OXNAD1: variants seen among roughly 807,000 people sequenced by gnomAD.
The protein encoded by OXNAD1 is oxidoreductase NAD-binding domain-containing protein 1.
Under a neutral mutation model 32.9 loss-of-function variants are expected in OXNAD1, and 34 were observed. That is an observed-to-expected ratio of 1.03 (90% confidence interval 0.79 to 1.38). The LOEUF (loss-of-function observed/expected upper bound fraction) is 1.38, where lower values mean the gene tolerates loss of function less well. OXNAD1 is among the 40% of genes most tolerant of loss of function. The pLI is 0.00. For missense variants in OXNAD1, 407 were observed against 379.4 expected (o/e 1.07, Z -0.60); for synonymous variants, 134 against 135.2 (o/e 0.99, Z 0.06).
chr3:16,350,095 A>T (rs538767788), exon 10 of OXNAD1: 1 of 152,362 alleles, frequency 6.6e-6, no homozygotes, highest in South Asian at 2.1e-4. Context: ...GTAAGTGAGT[A>T]CTATAGCCCA....
intron 9 of OXNAD1, among the ~76,000 whole-genome samples, chr3:16,332,559 G>GC (rs1559824142): frequency 6.6e-6 from 1 of 151,932 alleles, no homozygotes; most frequent in Non-Finnish European, 1.5e-5. Flanking sequence ...ATCTTACCAC[G>GC]CCACGTTAGG....
chr3:16,318,335 C>T (rs1394882006), intron 9 of OXNAD1, among the ~76,000 whole-genome samples: 3 of 152,108 alleles, frequency 2.0e-5, no homozygotes, highest in Non-Finnish European at 4.4e-5. Flanking sequence ...AAATCTTAGA[C>T]ATTATATAAT....
chr3:16,270,912 A>G (rs918052713), intron 2 of OXNAD1, 33 bp from the exon 3 acceptor site: 16 of 1,613,164 alleles, frequency 9.9e-6, no homozygotes, highest in Non-Finnish European at 1.3e-5. Context: ...TTTTAAAAAA[A>G]CAATTTGAAA....
intron 9 of OXNAD1, among the ~76,000 whole-genome samples, chr3:16,330,410 T>G (rs1024579256): frequency 6.6e-6 from 1 of 152,202 alleles, no homozygotes; most frequent in African/African-American, 2.4e-5. Flanking sequence ...GAAAGACACT[T>G]TTAAGTCCAT....
intron 1 of OXNAD1, among the ~76,000 whole-genome samples, chr3:16,267,742 C>A (rs1411776862): frequency 1.3e-5 from 2 of 152,170 alleles, no homozygotes; most frequent in Non-Finnish European, 2.9e-5. Context: ...GTCTCTGGAA[C>A]TGTAATAAAA....
chr3:16,325,202 A>G lies in OXNAD1; in HGVS notation c.*31-11910A>G, dbSNP rs116816337. 4.6e-3 allele frequency among the ~76,000 whole-genome samples: 702 copies of G among 152,304 alleles called. 3 individuals carry two copies. Among genetic ancestry groups the G allele is most frequent in the African/African-American group, 0.016 (655 of 41,570 alleles). ...AATGGCTCATTTAAGCTTCACCTCA[A>G]TGCTCCACGGAATCCAACTACCACT... is the stretch of plus-strand genomic sequence containing the variant. On this transcript the variant is annotated intron_variant, in intron 9 of 9. Coordinates refer to the OXNAD1 transcript ENST00000435829.
Position 16,321,265 on chromosome 3 carries a change from T to C in OXNAD1, c.*31-15847T>C, listed in dbSNP as rs997937431. ...GCTGAAAATGCAGGCGGAATGGTCA[T>C]TGGCACAGAGGTGGTGAAGGAGATT... On this transcript the variant is annotated intron_variant, in intron 9 of 9. Coordinates refer to the OXNAD1 transcript ENST00000435829. The surrounding 1 kb of genome is among the most constrained non-coding windows in gnomAD (Gnocchi z 4.8). Among the ~76,000 whole-genome samples, 3 of 152,002 alleles carry C rather than the reference T, an allele frequency of 2.0e-5. No individual in the cohort carries two copies. The highest frequency in any genetic ancestry group is 7.3e-5 in the African/African-American group (3 of 41,354).
In OXNAD1 at chr3:16,314,596, G is replaced by C. The variant is rs1260965185; in HGVS notation, c.*30+11004G>C. The C allele has an allele frequency of 6.6e-6, 1 of 152,134 alleles. No individual in the cohort carries two copies. 9.4% of individuals were successfully genotyped at this position (152,134 alleles called of 1,614,324 possible). ...CACCCTCCACTGTAGACTGATTTTT[G>C]CCAGAATCAGCAGGGTGTAGAGAAG... On this transcript the variant is annotated intron_variant, in intron 9 of 9. Transcript: ENST00000435829. The surrounding 1 kb of genome is among the most constrained non-coding windows in gnomAD (Gnocchi z 4.4).
At position 16,317,561 on chromosome 3, in the gene OXNAD1, G is replaced by GA. The variant is rs1427534900; in HGVS notation, c.*30+13970dup. On this transcript the variant is annotated intron_variant, in intron 9 of 9. Coordinates refer to the OXNAD1 transcript ENST00000435829. The surrounding 1 kb of genome is among the most constrained non-coding windows in gnomAD (Gnocchi z 4.3). The stretch of plus-strand genomic sequence containing the variant: ...AAAGTCCTATCATTTGGAGGGCCAG[G>GA]ATGGAGAGGAGATGTGAGGCCTGCC... 6.6e-6 allele frequency among the ~76,000 whole-genome samples: 1 copy of GA among 152,218 alleles called. No homozygotes were observed. Among genetic ancestry groups the GA allele is most frequent in the Non-Finnish European group, 1.5e-5 (1 of 68,042 alleles).
downstream of OXNAD1, among the ~76,000 whole-genome samples, chr3:16,307,532 GT>G (rs1257901930): frequency 2.0e-5 from 3 of 152,152 alleles, no homozygotes. Context: ...CCAGTCATTG[GT>G]GATCTTGATA....
At chr3:16,274,869 C>T (rs1157541188) in intron 4 of OXNAD1, among the ~76,000 whole-genome samples, 4 of 152,194 alleles carry the variant, frequency 2.6e-5, no homozygotes, top group Non-Finnish European at 4.4e-5. Flanking sequence ...AACTTTTTCT[C>T]TTCAGCACAA....
At chr3:16,270,209 A>G (rs1202642578) in intron 2 of OXNAD1, among the ~76,000 whole-genome samples, 1 of 152,246 alleles carries the variant, frequency 6.6e-6, no homozygotes, top group Non-Finnish European at 1.5e-5. Context: ...GAAATTGCTA[A>G]CTTGATTTCT....
At chr3:16,307,750 A>G (rs2067664608), downstream of OXNAD1, among the ~76,000 whole-genome samples, 1 of 140,910 alleles carries the variant, frequency 7.1e-6, no homozygotes, top group Non-Finnish European at 1.5e-5. Context: ...TTTGTTTTGA[A>G]GTAATTTTAG....
chr3:16,292,750 G>C (rs995401569), intron 5 of OXNAD1, among the ~76,000 whole-genome samples: 1 of 152,120 alleles, frequency 6.6e-6, no homozygotes, highest in Non-Finnish European at 1.5e-5. Context: ...TGGTTATTCA[G>C]TTCTCCCAGT....
intron 5 of OXNAD1, among the ~76,000 whole-genome samples, chr3:16,293,911 A>T (rs1317051157): frequency 6.6e-6 from 1 of 152,178 alleles, no homozygotes; most frequent in East Asian, 1.9e-4. Context: ...TATTGAGATG[A>T]TCATGTGGGT....
chr3:16,328,349 A>G (rs1371659571), intron 9 of OXNAD1, among the ~76,000 whole-genome samples: 1 of 152,242 alleles, frequency 6.6e-6, no homozygotes, highest in African/African-American at 2.4e-5. Flanking sequence ...GAAGGTGGCC[A>G]CGTGTGGTGA....
intron 5 of OXNAD1, among the ~76,000 whole-genome samples, chr3:16,292,574 C>A (rs188678928): frequency 1.3e-5 from 2 of 151,820 alleles, no homozygotes; most frequent in Admixed American, 1.3e-4. Context: ...TTTTTCCAAC[C>A]CTTTTGGTTT....
At position 16,334,387 on chromosome 3, in the gene OXNAD1, T is replaced by G. The variant is rs2070649990; in HGVS notation, c.*31-2725T>G. Among the ~76,000 whole-genome samples, 1 of 152,176 alleles carries G rather than the reference T, an allele frequency of 6.6e-6. No individual in the cohort carries two copies. The highest frequency in any genetic ancestry group is 1.5e-5 in the Non-Finnish European group (1 of 68,040). On this transcript the variant is annotated intron_variant, in intron 9 of 9. Transcript: ENST00000435829. This position sits in a 1 kb window ranked among gnomAD's most constrained non-coding sequence, Gnocchi z 4.3. ...TCAAAATTACAAACACATTTTCCCT[T>G]TGACCCAACAATCTCACTTCTGGGA...
In OXNAD1 at chr3:16,320,406, C is replaced by T. The variant is rs187960306; in HGVS notation, c.*31-16706C>T. 1.6e-3 allele frequency among the ~76,000 whole-genome samples: 240 copies of T among 152,326 alleles called. 2 individuals are homozygous for T. Among genetic ancestry groups the T allele is most frequent in the Non-Finnish European group, 2.8e-3 (188 of 68,030 alleles). ...TTCTTAAGTTTTAATGCTAGACATACTATGTGTGTCCTCGCTAAGAAGCTG... is the reference window on the plus strand; with the variant it reads ...TTCTTAAGTTTTAATGCTAGACATATTATGTGTGTCCTCGCTAAGAAGCTG... On this transcript the variant is annotated intron_variant, in intron 9 of 9. Coordinates refer to the OXNAD1 transcript ENST00000435829. The surrounding 1 kb of genome is among the most constrained non-coding windows in gnomAD (Gnocchi z 4.5).
Sources: gnomAD v4.1 joint callset for allele counts (sites outside exome capture counted in the v4.1 genomes callset) on GRCh38, gnomAD v4.1.1 for gene constraint, Gnocchi (gnomAD v3.1) non-coding constraint, MANE v1.5 for transcripts, NCBI Gene and HGNC (gene_info 2026-07-23, HGNC 2026-07-21) for gene names.